The following SCNN1G variants were observed in gnomAD, a reference collection of about 807,000 sequenced individuals.
SCNN1G encodes sodium channel epithelial 1 subunit gamma, also known as epithelial sodium channel subunit gamma.
Under a neutral mutation model 64.6 loss-of-function variants are expected in SCNN1G, and 27 were observed. That is an observed-to-expected ratio of 0.42 (90% CI 0.31 to 0.58). The LOEUF is 0.58. Ranked by LOEUF, SCNN1G falls within the 20% of genes least tolerant of loss-of-function variation. The probability of loss-of-function intolerance (pLI) is 0.18; values close to 1 mark genes in which losing one functional copy is unlikely to be tolerated. For synonymous variants in SCNN1G, 330 were observed against 314.2 expected (o/e 1.05, Z -0.53); for missense variants, 743 against 823.4 (o/e 0.90, Z 1.19).
intron 10 of SCNN1G, 89 bp downstream of exon 10, chr16:23,212,983 G>A (rs1960104611): frequency 1.3e-6 from 2 of 1,531,414 alleles, no homozygotes. Context: ...CTGGGACATG[G>A]TCCAGGGGGA....
intron 7 of SCNN1G, among the ~76,000 whole-genome samples, chr16:23,211,480 C>T (rs1960078173): frequency 6.6e-6 from 1 of 152,300 alleles, no homozygotes; most frequent in Middle Eastern, 3.4e-3. Context: ...TACTGCAGCC[C>T]CAGCTCAGCC....
intron 2 of SCNN1G, 151 bp from the exon 3 acceptor site, chr16:23,189,220 C>A (rs1959663228): frequency 2.5e-6 from 2 of 796,926 alleles, no homozygotes; most frequent in East Asian, 2.6e-5. Flanking sequence ...TTGGATGGGT[C>A]AAGTCATGAA....
In SCNN1G at chr16:23,215,427, T is replaced by G; in HGVS notation, c.1908T>G (p.Phe636Leu). 6.2e-7 allele frequency: 1 copy of G among 1,613,384 alleles called. No individual in the cohort carries two copies. The highest frequency in any genetic ancestry group is 1.1e-5 in the South Asian group (1 of 91,086). Reference protein sequence around the residue: ...KYNTLRLERAFSNQLTDTQML... With the variant: ...KYNTLRLERALSNQLTDTQML... ...ATACCTTGCGCTTGGAGAGGGCCTTTTCCAACCAGCTCACAGATACCCAGA... is the reference window on the plus strand; with the variant it reads ...ATACCTTGCGCTTGGAGAGGGCCTTGTCCAACCAGCTCACAGATACCCAGA... The change falls in exon 13 of 13, where the codon TTT (phenylalanine) becomes TTG (leucine). Residue 636 changes from phenylalanine (F) to leucine (L), a missense_variant. Phe to Leu is a conservative substitution (Grantham distance 22, BLOSUM62 0). Transcript: ENST00000300061.
Position 23,212,666 on chromosome 16 carries a change from C to T in SCNN1G, c.1295-12C>T. The T allele has an allele frequency of 1.2e-6, 2 of 1,611,592 alleles. No homozygotes were observed. Among genetic ancestry groups the T allele is most frequent in the Non-Finnish European group, 1.7e-6 (2 of 1,177,676 alleles). The stretch of plus-strand genomic sequence containing the variant: ...CTCCAAAGCTCATGCTGCCCTCTCC[C>T]TTGTCCCTCAGTGTATTGTTACTAC... On this transcript the variant is annotated splice_polypyrimidine_tract_variant and intron_variant, in intron 8 of 12. Coordinates refer to ENST00000300061, the MANE Select transcript of SCNN1G (RefSeq NM_001039.4).
rs771339298 is a variant in SCNN1G at position 23,212,034 on chromosome 16, A to G, written c.1177A>G (p.Ile393Val). The part of the protein sequence containing the change: ...NIYNAAYSLQ[I>V]CLHSCFQTKM... ...GGCATTCCTGGGTCTCCTCTTTCAG[A>G]TCTGCCTTCATTCATGCTTCCAGAC... is the stretch of plus-strand genomic sequence containing the variant. Residue 393 changes from isoleucine (I) to valine (V), a missense_variant and splice_region_variant, in exon 8 of 13, where the codon ATC becomes GTC. By Grantham distance (29) the Ile-to-Val change is conservative. Coordinates refer to ENST00000300061, the MANE Select transcript of SCNN1G (RefSeq NM_001039.4). 1.2e-6 allele frequency: 2 copies of G among 1,606,128 alleles called. No homozygotes were observed. Among genetic ancestry groups the G allele is most frequent in the Non-Finnish European group, 1.7e-6 (2 of 1,172,772 alleles).
intron 6 of SCNN1G, among the ~76,000 whole-genome samples, chr16:23,201,195 T>G (rs925706377): frequency 1.3e-5 from 2 of 152,352 alleles, no homozygotes. Flanking sequence ...TGGTCAGACA[T>G]GTCCCACACA....
chr16:23,192,219 C>T (rs975699500), intron 3 of SCNN1G, 133 bp from the exon 4 acceptor site: 7 of 773,206 alleles, frequency 9.1e-6, no homozygotes, highest in Non-Finnish European at 1.6e-5. Context: ...AGAGGAAACC[C>T]ATCCTTGCCC....
intron 7 of SCNN1G, among the ~76,000 whole-genome samples, chr16:23,211,039 A>C (rs1046154800): frequency 2.8e-5 from 4 of 143,396 alleles, no homozygotes; most frequent in Admixed American, 6.9e-5. Context: ...CCCTGTCTTT[A>C]AAAATAAAAA....
At chr16:23,187,414 A>G (rs1176077006) in intron 2 of SCNN1G, among the ~76,000 whole-genome samples, 1 of 152,120 alleles carries the variant, frequency 6.6e-6, no homozygotes, top group Non-Finnish European at 1.5e-5. Flanking sequence ...CACTCCATCA[A>G]TGACTTCTGA....
At position 23,186,493 on chromosome 16, in the gene SCNN1G, C is replaced by T. The variant is rs772026796; in HGVS notation, c.222C>T (p.Leu74=). ...VALILWQCAL[L]VFSFYTVSVS... is the part of the protein sequence containing the mutation. ...TCATCCTCTGGCAGTGCGCCCTCCT[C>T]GTCTTCTCCTTCTATACTGTCTCAG... is the stretch of plus-strand genomic sequence containing the variant. The change falls in exon 2 of 13, where the codon CTC becomes CTT. Residue 74 remains leucine (L), a synonymous_variant. Coordinates refer to ENST00000300061, the MANE Select transcript of SCNN1G (RefSeq NM_001039.4). The T allele has an allele frequency of 5.0e-6, 8 of 1,614,094 alleles. No homozygotes were observed. The highest frequency in any genetic ancestry group is 1.1e-5 in the South Asian group (1 of 91,084).
At chr16:23,194,442 G>A (rs1959763614) in intron 5 of SCNN1G, among the ~76,000 whole-genome samples, 168 bp downstream of exon 5, 1 of 152,186 alleles carries the variant, frequency 6.6e-6, no homozygotes, top group Non-Finnish European at 1.5e-5. Context: ...GTTCATGCTG[G>A]TTCCTTCCTT....
In SCNN1G at chr16:23,197,348, G is replaced by A. The variant is rs746812506; in HGVS notation, c.998G>A (p.Arg333Gln). The A allele has an allele frequency of 1.7e-5, 27 of 1,613,274 alleles. No individual in the cohort carries two copies. Among genetic ancestry groups the A allele is most frequent in the East Asian group, 6.7e-5 (3 of 44,882 alleles). The change falls in exon 6 of 13, where the codon CGG becomes CAG. Residue 333 changes from arginine to glutamine, a missense_variant. Transcript: ENST00000300061. ...SSTGAKVIIH[R>Q]QDEYPFVEDV... ...ACTGGAGCTAAGGTGATCATCCATC[G>A]GCAGGATGAGTATCCCTTCGTCGAA...
At chr16:23,191,499 C>A (rs1959707827) in intron 3 of SCNN1G, among the ~76,000 whole-genome samples, 1 of 152,180 alleles carries the variant, frequency 6.6e-6, no homozygotes, top group African/African-American at 2.4e-5. Flanking sequence ...AATCATAGCT[C>A]ACTGCAGCCT....
intron 3 of SCNN1G, among the ~76,000 whole-genome samples, chr16:23,190,029 C>T (rs1461863817): frequency 2.0e-5 from 3 of 151,704 alleles, no homozygotes; most frequent in Admixed American, 6.6e-5. Context: ...CAGATGGTGC[C>T]ACTGCACTCC....
intron 6 of SCNN1G, among the ~76,000 whole-genome samples, chr16:23,204,288 CATATATATATATATATATATAT>C (rs59288460): frequency 3.0e-3 from 43 of 14,178 alleles, no homozygotes; most frequent in African/African-American, 6.6e-3. Context: ...CAAATATATA[CATATATATATATATATATATAT>C]ATATATATAT....
At position 23,211,635 on chromosome 16, in the gene SCNN1G, C is replaced by T. The variant is rs137886572; in HGVS notation, c.1177-399C>T. Among the ~76,000 whole-genome samples, 23 of 152,122 alleles carry T rather than the reference C, an allele frequency of 1.5e-4. No individual in the cohort carries two copies. The East Asian group carries it at 3.5e-3, about 23-fold the overall frequency. ...GACCAGCCTGGCCAACATGGTGAAACCCTGTCTCTACCAAAAATACAAAAA... is the reference window on the plus strand; with the variant it reads ...GACCAGCCTGGCCAACATGGTGAAATCCTGTCTCTACCAAAAATACAAAAA... On this transcript the variant is annotated intron_variant, in intron 7 of 12. Coordinates refer to ENST00000300061, the MANE Select transcript of SCNN1G (RefSeq NM_001039.4).
intron 6 of SCNN1G, among the ~76,000 whole-genome samples, chr16:23,206,878 C>A (rs1959999907): frequency 6.6e-6 from 1 of 152,134 alleles, no homozygotes; most frequent in Non-Finnish European, 1.5e-5. Context: ...TATACACACT[C>A]TTTTTTGTGT....
chr16:23,192,738 C>A (rs989305239), intron 4 of SCNN1G, among the ~76,000 whole-genome samples, 196 bp downstream of exon 4: 28 of 152,022 alleles, frequency 1.8e-4, no homozygotes, highest in African/African-American at 6.3e-4. Flanking sequence ...GACATAAAAT[C>A]AAAATATCCT....
intron 7 of SCNN1G, 142 bp from the exon 8 acceptor site, chr16:23,211,892 C>T: frequency 1.3e-6 from 1 of 747,004 alleles, no homozygotes; most frequent in Non-Finnish European, 2.5e-6. Flanking sequence ...GGACCATGCC[C>T]AGCCCAGTTG....
Sources: gnomAD v4.1 joint callset for allele counts (sites outside exome capture counted in the v4.1 genomes callset) on GRCh38, gnomAD v4.1.1 for gene constraint, MANE v1.5 for transcripts, NCBI Gene and HGNC (gene_info 2026-07-23, HGNC 2026-07-21) for gene names.